The following EPHB4 variants were observed in gnomAD, a reference collection of about 807,000 sequenced individuals.
EPHB4 encodes the protein EPH receptor B4, also known as ephrin type-B receptor 4.
EPHB4 carries 50 observed loss-of-function variants against 110.6 expected under a neutral mutation model. That is an observed-to-expected ratio of 0.45 (90% CI 0.36 to 0.57). EPHB4 has a LOEUF of 0.57. Among genes scored for constraint, EPHB4 ranks in the 20% least tolerant of loss-of-function variants. The pLI, the probability that EPHB4 is intolerant of heterozygous loss-of-function variation, is 0.00. For missense variants in EPHB4, 1,128 were observed against 1,382.1 expected, an observed-to-expected ratio of 0.82 and a Z score of 2.91; for synonymous variants, 592 against 578.4, an observed-to-expected ratio of 1.02 and a Z score of -0.34.
chr7:100,822,650 C>A lies in EPHB4; in HGVS notation c.429G>T (p.Ala143=). ...CAGGGCGCTTCCGGGTGAGATGCTC[C>A]GCGGCCACCGTGTCCACCTGCCGGC... ...NPYIKVDTVA[A]EHLTRKRPGA... The change falls in exon 4 of 17, where the codon GCG becomes GCT. Residue 143 remains alanine (A), a synonymous_variant. Coordinates refer to ENST00000358173, the MANE Select transcript of EPHB4 (RefSeq NM_004444.5). This position sits in a 1 kb window ranked among gnomAD's most constrained non-coding sequence, Gnocchi z 4.7. 1 of 1,579,674 alleles carries A rather than the reference C, an allele frequency of 6.3e-7. No homozygotes were observed. Among genetic ancestry groups the A allele is most frequent in the Non-Finnish European group, 8.6e-7 (1 of 1,159,286 alleles).
chr7:100,821,698 G>A (rs1813237750), intron 4 of EPHB4, among the ~76,000 whole-genome samples: 1 of 151,420 alleles, frequency 6.6e-6, no homozygotes, highest in Non-Finnish European at 1.5e-5. Flanking sequence ...CGAACTCCTG[G>A]GCTCAAGTGA....
intron 12 of EPHB4, among the ~76,000 whole-genome samples, chr7:100,812,427 T>C (rs896841425): frequency 1.3e-5 from 2 of 151,816 alleles, no homozygotes; most frequent in African/African-American, 4.8e-5. Flanking sequence ...CTGTGTCTAC[T>C]AAAAATACAA....
intron 8 of EPHB4, among the ~76,000 whole-genome samples, chr7:100,816,153 G>A (rs1029801635): frequency 5.2e-4 from 78 of 150,574 alleles, no homozygotes; most frequent in African/African-American, 1.8e-3. Flanking sequence ...GCAACAGAGT[G>A]AGACTCCGTC....
intron 12 of EPHB4, 127 bp from the exon 13 acceptor site, chr7:100,807,707 T>G: frequency 3.2e-6 from 3 of 939,294 alleles, no homozygotes; most frequent in Non-Finnish European, 4.7e-6. Flanking sequence ...AGTGGTGCCA[T>G]CATAGCTCAC....
At chr7:100,805,455 TG>T (rs753065467) in intron 15 of EPHB4, 45 bp downstream of exon 15, 3 of 1,536,352 alleles carry the variant, frequency 2.0e-6, no homozygotes, top group Admixed American at 2.0e-5. Context: ...GGGCAAGGAG[TG>T]GGGGCAGAGA....
At chr7:100,824,583 A>C in intron 1 of EPHB4, 2 of 347,992 alleles carry the variant, frequency 5.7e-6, no homozygotes, top group East Asian at 5.9e-5. Flanking sequence ...AAAGGGTTAA[A>C]ATGAGAGCTG....
chr7:100,808,361 G>A (rs2116421160), intron 12 of EPHB4, among the ~76,000 whole-genome samples: 1 of 152,188 alleles, frequency 6.6e-6, no homozygotes, highest in East Asian at 1.9e-4. Flanking sequence ...TGGGACTATA[G>A]GTGCACACCA....
In EPHB4 at chr7:100,822,042, C is replaced by A. The variant is rs958169469; in HGVS notation, c.808+229G>T. ...GGGCGTGGTGGCGTGTGCCTGTAGT[C>A]CCAGCTACTCACGAGGCTGAGGCAG... On this transcript the variant is annotated intron_variant, in intron 4 of 16. Coordinates refer to ENST00000358173, the MANE Select transcript of EPHB4 (RefSeq NM_004444.5). The surrounding 1 kb of genome is among the most constrained non-coding windows in gnomAD (Gnocchi z 4.7). 2.0e-5 allele frequency among the ~76,000 whole-genome samples: 3 copies of A among 152,094 alleles called. No individual in the cohort carries two copies. The highest frequency in any genetic ancestry group is 2.9e-5 in the Non-Finnish European group (2 of 68,014).
chr7:100,821,933 G>A (rs1813245338), intron 4 of EPHB4, among the ~76,000 whole-genome samples: 1 of 152,122 alleles, frequency 6.6e-6, no homozygotes, highest in Non-Finnish European at 1.5e-5. Flanking sequence ...GGCCGAGGCG[G>A]GCAAATCACT....
At chr7:100,820,326 A>G in intron 4 of EPHB4, 30 bp from the exon 5 acceptor site, 1 of 1,609,128 alleles carries the variant, frequency 6.2e-7, no homozygotes, top group Middle Eastern at 1.7e-4. Context: ...CATCAAAAGC[A>G]TGCACAAAAA....
Position 100,824,221 on chromosome 7 carries a change from G to C in EPHB4, c.105C>G (p.Phe35Leu). The change falls in exon 2 of 17, where the codon TTC becomes TTG. Residue 35 changes from phenylalanine (F) to leucine (L), a missense_variant. Phe to Leu is a conservative substitution (Grantham distance 22). Around this residue, in one of 3 missense-constraint regions of EPHB4, gnomAD observed 728 missense variants for 828.6 expected, o/e 0.88. Transcript: ENST00000358173. ...LETADLKWVT[F>L]PQVDGQWEEL... ...CTCTCACCTGCCCGTCCACCTGAGG[G>C]AATGTCACCCACTTCAGATCAGCAG... 6.2e-7 allele frequency: 1 copy of C among 1,614,044 alleles called. No homozygotes were observed. The highest frequency in any genetic ancestry group is 8.5e-7 in the Non-Finnish European group (1 of 1,179,994).
In EPHB4 at chr7:100,827,191, G is replaced by C. The variant is rs1727638297; in HGVS notation, c.-161C>G. On this transcript the variant is annotated 5_prime_UTR_variant, in exon 1 of 17. Transcript: ENST00000358173. ...CGAGCGTGCGGGGCACCGGGCGGCG[G>C]CGCCAAGTGTGGCCCCGCGTCTGTG... 1 of 599,342 alleles carries C rather than the reference G, an allele frequency of 1.7e-6. No individual in the cohort carries two copies. The allele number at this position is 599,342 out of a possible 1,614,324, so 37.1% of individuals were successfully genotyped here. A position where few individuals can be genotyped will look rare whatever the true frequency, so the allele number is the denominator to read the frequency against.
At chr7:100,820,070 C>T in intron 5 of EPHB4, 71 bp downstream of exon 5, 2 of 1,565,930 alleles carry the variant, frequency 1.3e-6, no homozygotes. Context: ...AGGATGGGGG[C>T]CATGTGAGGG....
chr7:100,825,801 A>C (rs1227389121), intron 1 of EPHB4, among the ~76,000 whole-genome samples: 2 of 152,242 alleles, frequency 1.3e-5, no homozygotes, highest in African/African-American at 4.8e-5. Context: ...AATAGGTGTC[A>C]CAATCACCAT....
chr7:100,827,080 C>G lies in EPHB4; in HGVS notation c.-50G>C. On this transcript the variant is annotated 5_prime_UTR_variant, in exon 1 of 17. Coordinates refer to ENST00000358173, the MANE Select transcript of EPHB4 (RefSeq NM_004444.5). ...CCGAACTGAGTTTGGGGGGCCCTCG[C>G]CCCCCCAGGTCTGACTCTCCCTGGG... 6.5e-7 allele frequency: 1 copy of G among 1,540,382 alleles called. No homozygotes were observed. The highest frequency in any genetic ancestry group is 8.8e-7 in the Non-Finnish European group (1 of 1,138,800).
At chr7:100,823,534 C>CA in intron 3 of EPHB4, 110 bp downstream of exon 3, 3 of 1,395,006 alleles carry the variant, frequency 2.2e-6, no homozygotes, top group Non-Finnish European at 2.9e-6. Flanking sequence ...TTCCAGCCCC[C>CA]AGCGCGCGGG....
chr7:100,805,455 T>A (rs1188391871), intron 15 of EPHB4, 46 bp downstream of exon 15: 5 of 1,536,352 alleles, frequency 3.3e-6, no homozygotes, highest in Non-Finnish European at 4.4e-6. Context: ...GGGCAAGGAG[T>A]GGGGGCAGAG....
At position 100,822,373 on chromosome 7, in the gene EPHB4, T is replaced by C; in HGVS notation, c.706A>G (p.Ser236Gly). The C allele has an allele frequency of 6.3e-7, 1 of 1,575,802 alleles. No individual in the cohort carries two copies. Residue 236 changes from serine to glycine, a missense_variant, in exon 4 of 17, where the codon AGC (serine) becomes GGC (glycine). Physicochemically the swap from Ser to Gly is moderately conservative, Grantham distance 56 (BLOSUM62 0). Coordinates refer to ENST00000358173, the MANE Select transcript of EPHB4 (RefSeq NM_004444.5). This position sits in a 1 kb window ranked among gnomAD's most constrained non-coding sequence, Gnocchi z 4.7. Reference protein sequence around the residue: ...DAVPAPGPSPSLYCREDGQWA... With the variant: ...DAVPAPGPSPGLYCREDGQWA... ...TGGCCATCCTCACGGCAGTAGAGGC[T>C]GGGGCTGGGGCCAGGGGCGGGGACG...
intron 12 of EPHB4, among the ~76,000 whole-genome samples, chr7:100,812,304 G>A (rs534854189): frequency 2.5e-4 from 38 of 151,504 alleles, no homozygotes; most frequent in Admixed American, 1.4e-3. Flanking sequence ...AAAGGCAGAG[G>A]GCTGGCCAGG....
Sources: gnomAD v4.1 joint callset for allele counts (sites outside exome capture counted in the v4.1 genomes callset) on GRCh38, gnomAD v4.1.1 for gene constraint, gnomAD v4.1.1 regional missense constraint, Gnocchi (gnomAD v3.1) non-coding constraint, MANE v1.5 for transcripts, NCBI Gene and HGNC (gene_info 2026-07-23, HGNC 2026-07-21) for gene names.